Variants in TMEM178B observed in about 807,000 individuals in gnomAD.
TMEM178B encodes transmembrane protein 178B.
A neutral mutation model predicts 31.0 loss-of-function variants in TMEM178B; 5 were observed. That is an observed-to-expected ratio of 0.16 (90% CI 0.08 to 0.34). TMEM178B has a LOEUF of 0.34. TMEM178B is among the 10% of genes least tolerant of loss of function. The pLI is 1.00. For synonymous variants in TMEM178B, 164 were observed against 164.0 expected (o/e 1.00, Z 0.00); for missense variants, 275 against 400.3 (o/e 0.69, Z 2.67).
intron 2 of TMEM178B, among the ~76,000 whole-genome samples, chr7:141,367,136 G>A (rs1800023625): frequency 1.3e-5 from 2 of 152,158 alleles, no homozygotes; most frequent in East Asian, 1.9e-4. Flanking sequence ...TGTGAAGACA[G>A]CACCAGCCCA....
chr7:141,312,483 A>G (rs930316857), intron 2 of TMEM178B, among the ~76,000 whole-genome samples: 2 of 152,246 alleles, frequency 1.3e-5, no homozygotes, highest in Non-Finnish European at 2.9e-5. Context: ...AAAATGGGAG[A>G]AAGAATGTTC....
chr7:141,353,099 C>T (rs1156361280), intron 2 of TMEM178B, among the ~76,000 whole-genome samples: 2 of 152,146 alleles, frequency 1.3e-5, no homozygotes, highest in Non-Finnish European at 2.9e-5. Flanking sequence ...CCTTCCACCA[C>T]CACCTTGGTT....
chr7:141,238,662 C>T (rs1797567685), intron 2 of TMEM178B, among the ~76,000 whole-genome samples: 1 of 152,198 alleles, frequency 6.6e-6, no homozygotes, highest in South Asian at 2.1e-4. Flanking sequence ...TGAACTGAGG[C>T]AGGTTCAGCA....
intron 1 of TMEM178B, among the ~76,000 whole-genome samples, chr7:141,085,471 A>AT (rs567194479): frequency 2.6e-4 from 39 of 148,524 alleles, no homozygotes; most frequent in South Asian, 8.6e-4. Context: ...ATTTCAATTG[A>AT]TTTTTTTTTT....
intron 1 of TMEM178B, among the ~76,000 whole-genome samples, chr7:141,115,101 G>A (rs1795296886): frequency 6.6e-6 from 1 of 152,100 alleles, no homozygotes; most frequent in Admixed American, 6.5e-5. Context: ...GGAATGCAGT[G>A]GCGTGATCTT....
In TMEM178B at chr7:141,074,098, G is replaced by T; in HGVS notation, c.-213G>T. ...AGAGGATGCCCAGGAGCCCGCGGGA[G>T]CCTCTCCGGATCAGAACTTTTTAGG... On this transcript the variant is annotated 5_prime_UTR_variant, in exon 1 of 4. Coordinates refer to ENST00000565468, the MANE Select transcript of TMEM178B (RefSeq NM_001195278.2). The surrounding 1 kb of genome is among the most constrained non-coding windows in gnomAD (Gnocchi z 5.1). 1.7e-6 allele frequency: 1 copy of T among 585,454 alleles called. No homozygotes were observed. Among genetic ancestry groups the T allele is most frequent in the Non-Finnish European group, 2.6e-6 (1 of 386,974 alleles). The allele number at this position is 585,454 out of a possible 1,614,324, so 36.3% of individuals were successfully genotyped here. A position where few individuals can be genotyped will look rare whatever the true frequency, so the allele number is the denominator to read the frequency against.
intron 1 of TMEM178B, among the ~76,000 whole-genome samples, chr7:141,201,068 A>T (rs1043112041): frequency 4.6e-5 from 7 of 152,004 alleles, no homozygotes; most frequent in African/African-American, 7.2e-5. Flanking sequence ...CCAAAATATT[A>T]AAAAAAACTG....
chr7:141,191,720 C>CT (rs1359531412), intron 1 of TMEM178B, among the ~76,000 whole-genome samples: 1 of 152,088 alleles, frequency 6.6e-6, no homozygotes, highest in African/African-American at 2.4e-5. Flanking sequence ...GTTGTAGGTG[C>CT]TTTTTTAATC....
At chr7:141,258,235 A>G (rs536649713) in intron 2 of TMEM178B, among the ~76,000 whole-genome samples, 47 of 151,896 alleles carry the variant, frequency 3.1e-4, no homozygotes, top group East Asian at 2.5e-3. Flanking sequence ...ACCCCCAGAT[A>G]TGGTTCTTAT....
chr7:141,408,596 T>G (rs1800927545), intron 2 of TMEM178B, among the ~76,000 whole-genome samples: 1 of 152,142 alleles, frequency 6.6e-6, no homozygotes, highest in Non-Finnish European at 1.5e-5. Context: ...CTGCCCTGAA[T>G]GGAGCTTGCA....
intron 2 of TMEM178B, among the ~76,000 whole-genome samples, chr7:141,292,951 A>G (rs912844886): frequency 3.4e-5 from 5 of 145,998 alleles, no homozygotes; most frequent in African/African-American, 9.8e-5. Context: ...TCTTCTTTTT[A>G]TTGAATTCTC....
At chr7:141,322,553 C>T (rs937801345) in intron 2 of TMEM178B, among the ~76,000 whole-genome samples, 1 of 152,036 alleles carries the variant, frequency 6.6e-6, no homozygotes, top group African/African-American at 2.4e-5. Flanking sequence ...ATCAATCAAA[C>T]AAACAAAGAA....
chr7:141,436,657 G>A (rs1036204361), intron 2 of TMEM178B, among the ~76,000 whole-genome samples: 5 of 152,034 alleles, frequency 3.3e-5, no homozygotes, highest in South Asian at 2.1e-4. Flanking sequence ...CGGTGGGCAC[G>A]TGGAAGGGTA....
chr7:141,435,151 T>A (rs1394223041), intron 2 of TMEM178B, among the ~76,000 whole-genome samples: 1 of 152,140 alleles, frequency 6.6e-6, no homozygotes, highest in African/African-American at 2.4e-5. Flanking sequence ...CTTCAGTAAA[T>A]GGTGCTCCGG....
intron 2 of TMEM178B, among the ~76,000 whole-genome samples, chr7:141,235,217 T>G (rs1797509583): frequency 6.6e-6 from 1 of 152,236 alleles, no homozygotes; most frequent in South Asian, 2.1e-4. Context: ...AAATGAAGCC[T>G]TCTGATTTAT....
chr7:141,124,860 C>T (rs1427094430), intron 1 of TMEM178B, among the ~76,000 whole-genome samples: 1 of 152,200 alleles, frequency 6.6e-6, no homozygotes, highest in Non-Finnish European at 1.5e-5. Context: ...TTTTCTTTCT[C>T]ATTACCCATC....
chr7:141,417,888 G>T (rs1437140486), intron 2 of TMEM178B, among the ~76,000 whole-genome samples: 2 of 152,156 alleles, frequency 1.3e-5, no homozygotes, highest in Admixed American at 1.3e-4. Context: ...GGAAACTGAG[G>T]CCCAATGATA....
At chr7:141,469,466 C>A (rs1186034352) in intron 3 of TMEM178B, among the ~76,000 whole-genome samples, 1 of 152,096 alleles carries the variant, frequency 6.6e-6, no homozygotes, top group Non-Finnish European at 1.5e-5. Context: ...CTTAAAGAAA[C>A]TTGGCTGTTA....
intron 2 of TMEM178B, among the ~76,000 whole-genome samples, chr7:141,367,463 T>C (rs1247651664): frequency 2.0e-5 from 3 of 151,976 alleles, no homozygotes; most frequent in Non-Finnish European, 2.9e-5. Flanking sequence ...TTAGTAGAGA[T>C]GGGGTTTCGC....
Sources: gnomAD v4.1 joint callset for allele counts (sites outside exome capture counted in the v4.1 genomes callset) on GRCh38, gnomAD v4.1.1 for gene constraint, Gnocchi (gnomAD v3.1) non-coding constraint, MANE v1.5 for transcripts, NCBI Gene and HGNC (gene_info 2026-07-23, HGNC 2026-07-21) for gene names.